The following TEP1 variants were observed in gnomAD, a reference collection of about 807,000 sequenced individuals.
TEP1 encodes telomerase associated protein 1.
Under a neutral mutation model 306.3 loss-of-function variants are expected in TEP1, and 241 were observed. That is an observed-to-expected ratio of 0.79 (90% CI 0.71 to 0.88). The LOEUF (loss-of-function observed/expected upper bound fraction) is 0.88. TEP1 is among the 40% of genes least tolerant of loss of function. The pLI is 0.00. For missense variants in TEP1, 3,051 were observed against 3,276.1 expected (o/e 0.93, Z 1.68); for synonymous variants, 1,289 against 1,305.5 (o/e 0.99, Z 0.27).
chr14:20,369,808 C>T, intron 51 of TEP1, 29 bp from the exon 52 acceptor site: 1 of 1,578,326 alleles, frequency 6.3e-7, no homozygotes, highest in Non-Finnish European at 8.7e-7. Context: ...TTTTGTTTAG[C>T]CTACCCATAT....
rs753509255 is a variant in TEP1 at position 20,381,705 on chromosome 14, G to A, written c.4425-19C>T. On this transcript the variant is annotated intron_variant, in intron 30 of 54. Transcript: ENST00000262715. The surrounding 1 kb of genome is among the most constrained non-coding windows in gnomAD (Gnocchi z 4.0). ...TAGCAAACTGTCCTCGTGTGAGGAA[G>A]GGAGAGAGAAGAAGGAAGAGGCCTG... 7.6e-6 allele frequency: 12 copies of A among 1,577,674 alleles called. No individual in the cohort carries two copies. In the East Asian group the frequency reaches 2.3e-4, roughly 30 times the overall value.
chr14:20,371,672 T>G (rs201888160), intron 49 of TEP1, 40 bp from the exon 50 acceptor site: 1 of 1,524,192 alleles, frequency 6.6e-7, no homozygotes, highest in Non-Finnish European at 8.7e-7. Flanking sequence ...AGATCCTATT[T>G]TAGTTAACCT....
chr14:20,387,557 A>AAAAAAAAAAAG (rs1332634976), intron 18 of TEP1, among the ~76,000 whole-genome samples: 1 of 151,610 alleles, frequency 6.6e-6, no homozygotes, highest in Non-Finnish European at 1.5e-5. Context: ...GTCTCAAAAA[A>AAAAAAAAAAAG]AAAAAGAAAT....
At chr14:20,407,795 A>C in intron 2 of TEP1, 78 bp downstream of exon 2, 1 of 1,291,302 alleles carries the variant, frequency 7.7e-7, no homozygotes, top group Non-Finnish European at 1.1e-6. Flanking sequence ...CACAGAGGGA[A>C]ACTGAGACAC....
Position 20,383,169 on chromosome 14 carries a change from C to T in TEP1, c.4047+5G>A. On this transcript the variant is annotated splice_donor_5th_base_variant and intron_variant, in intron 27 of 54. Transcript: ENST00000262715. ...ACACCCACCGGCCCCGGCCTAGAAC[C>T]CAACCTGGTTGTTAAATGGTGACTC... 6.3e-7 allele frequency: 1 copy of T among 1,590,648 alleles called. No homozygotes were observed. Among genetic ancestry groups the T allele is most frequent in the Non-Finnish European group, 8.6e-7 (1 of 1,169,056 alleles).
At chr14:20,404,829 C>T in intron 4 of TEP1, 57 bp from the exon 5 acceptor site, 2 of 1,533,854 alleles carry the variant, frequency 1.3e-6, no homozygotes, top group Non-Finnish European at 1.8e-6. Context: ...AGCTTTCTGC[C>T]CTGAAATTAC....
At chr14:20,403,684 G>C in intron 6 of TEP1, 39 bp downstream of exon 6, 1 of 1,612,138 alleles carries the variant, frequency 6.2e-7, no homozygotes, top group Non-Finnish European at 8.5e-7. Flanking sequence ...CCTTCCTGGA[G>C]AAAAGGGGCG....
At chr14:20,374,318 C>T in intron 44 of TEP1, 111 bp downstream of exon 44, 1 of 654,580 alleles carries the variant, frequency 1.5e-6, no homozygotes, top group East Asian at 2.9e-5. Flanking sequence ...CTCTAGGTAT[C>T]TCATTTTTAT....
In TEP1 at chr14:20,381,835, G is replaced by C; in HGVS notation, c.4424+78C>G. 3.8e-6 allele frequency: 6 copies of C among 1,561,414 alleles called. No homozygotes were observed. The highest frequency in any genetic ancestry group is 5.2e-6 in the Non-Finnish European group (6 of 1,156,138). On this transcript the variant is annotated intron_variant, in intron 30 of 54. Transcript: ENST00000262715. This position sits in a 1 kb window ranked among gnomAD's most constrained non-coding sequence, Gnocchi z 4.0. Reference sequence around the variant, plus strand: ...ATTCATGGTCTGGGAGCCAGTTGTTGAAGCTATACAGAGGGCCCCGGCTCA... The same window carrying C: ...ATTCATGGTCTGGGAGCCAGTTGTTCAAGCTATACAGAGGGCCCCGGCTCA...
chr14:20,409,839 T>C (rs1449543072), intron 1 of TEP1, among the ~76,000 whole-genome samples: 3 of 151,532 alleles, frequency 2.0e-5, no homozygotes, highest in Non-Finnish European at 1.5e-5. Context: ...GCTAACACAG[T>C]GAAACCCCAT....
chr14:20,365,867 A>T lies in TEP1; in HGVS notation c.*2570T>A, dbSNP rs1447659788. On this transcript the variant is annotated 3_prime_UTR_variant, in exon 55 of 55. Transcript: ENST00000262715. ...AACAGATGTGGATATATGTGTAAAA[A>T]TTTGGTATATAAAAAAGATGCTTTT... The T allele has an allele frequency of 1.3e-5, 2 of 152,232 alleles. No individual in the cohort carries two copies. The highest frequency in any genetic ancestry group is 4.8e-5 in the African/African-American group (2 of 41,470). 9.4% of individuals were successfully genotyped at this position (152,232 alleles called of 1,614,324 possible).
rs1262807374 is a variant in TEP1, at chr14:20,380,284, G to T, written c.4954C>A (p.His1652Asn). ...GGTTTATTAAGCCATCGTAGTGTGT[G>T]TTGGAGGTGCCATCTCCGGGAGAGC... ...SLLSRRWHLQ[H>N]TLRWLNKPRT... The change falls in exon 34 of 55, where the codon CAC (histidine) becomes AAC (asparagine). Residue 1652 changes from histidine (H) to asparagine (N), a missense_variant. His to Asn is a moderately conservative substitution (Grantham distance 68). Coordinates refer to ENST00000262715, the MANE Select transcript of TEP1 (RefSeq NM_007110.5). The T allele has an allele frequency of 6.2e-7, 1 of 1,614,176 alleles. No individual in the cohort carries two copies. Among genetic ancestry groups the T allele is most frequent in the South Asian group, 1.1e-5 (1 of 91,086 alleles).
chr14:20,388,591 T>C (rs1385914406), intron 17 of TEP1, among the ~76,000 whole-genome samples: 2 of 152,210 alleles, frequency 1.3e-5, no homozygotes, highest in Non-Finnish European at 2.9e-5. Context: ...GGATCAAGAA[T>C]TGAACAGAAG....
chr14:20,381,187 A>T lies in TEP1; in HGVS notation c.4647+126T>A. On this transcript the variant is annotated intron_variant, in intron 32 of 54. Coordinates refer to ENST00000262715, the MANE Select transcript of TEP1 (RefSeq NM_007110.5). The surrounding 1 kb of genome is among the most constrained non-coding windows in gnomAD (Gnocchi z 4.0). The stretch of plus-strand genomic sequence containing the variant: ...AGAAGGGCAGGAAAACTGAAAGGAA[A>T]GAGGTCAAGGGAGTTTGGGAGGGGT... The T allele has an allele frequency of 1.6e-6, 2 of 1,226,170 alleles. No homozygotes were observed. The highest frequency in any genetic ancestry group is 2.4e-6 in the Non-Finnish European group (2 of 829,790). The allele number at this position is 1,226,170 out of a possible 1,614,324, so 76.0% of individuals were successfully genotyped here. A position where few individuals can be genotyped will look rare whatever the true frequency, so the allele number is the denominator to read the frequency against.
rs1238029761 is a variant in TEP1, at chr14:20,378,418, T to C, written c.5470A>G (p.Ile1824Val). 1 of 1,614,242 alleles carries C rather than the reference T, an allele frequency of 6.2e-7. No individual in the cohort carries two copies. The highest frequency in any genetic ancestry group is 1.7e-5 in the Admixed American group (1 of 60,024). Residue 1824 changes from isoleucine (I) to valine (V), a missense_variant, in exon 38 of 55, where the codon ATC (isoleucine) becomes GTC (valine). Ile to Val is a conservative substitution (Grantham distance 29, BLOSUM62 3). Around this residue, in one of 3 missense-constraint regions of TEP1, gnomAD observed 1,540 missense variants for 1,705.9 expected, o/e 0.90. Coordinates refer to ENST00000262715, the MANE Select transcript of TEP1 (RefSeq NM_007110.5). ...VIATGSWAGS[I>V]SFFQVDGLKV... ...AGCCCATCCACCTGGAAGAAGCTGA[T>C]GCTGCCAGCCCAGCTGCCTGTGGCT...
At chr14:20,386,743 G>A in intron 18 of TEP1, 120 bp from the exon 19 acceptor site, 1 of 1,153,540 alleles carries the variant, frequency 8.7e-7, no homozygotes, top group Non-Finnish European at 1.1e-6. Context: ...CAGCAGATGG[G>A]TGCCCAGCAG....
chr14:20,412,146 C>T (rs377659153), intron 1 of TEP1, among the ~76,000 whole-genome samples: 56 of 152,282 alleles, frequency 3.7e-4, no homozygotes, highest in Admixed American at 8.5e-4. Flanking sequence ...CAATATCTCA[C>T]TGGACGTCAG....
At chr14:20,369,010 C>CT (rs754858941) in intron 53 of TEP1, 108 bp from the exon 54 acceptor site, 26,554 of 644,734 alleles carry the variant, frequency 0.041, 5 homozygotes, top group East Asian at 0.05. Flanking sequence ...CTTAGTATTT[C>CT]TTTTTTTTTT....
At chr14:20,387,538 C>T (rs866354992) in intron 18 of TEP1, among the ~76,000 whole-genome samples, 17 of 124,384 alleles carry the variant, frequency 1.4e-4, no homozygotes, top group Middle Eastern at 7.5e-3. Context: ...GGCGACACAG[C>T]GAGACTCCGT....
Sources: allele counts gnomAD v4.1 joint callset (sites outside exome capture counted in the v4.1 genomes callset), GRCh38; gene constraint gnomAD v4.1.1; regional missense constraint gnomAD v4.1.1; non-coding constraint Gnocchi (gnomAD v3.1); transcripts MANE v1.5; gene names NCBI Gene and HGNC (gene_info 2026-07-23, HGNC 2026-07-21).